Variants in HSD11B1L observed in about 807,000 individuals in gnomAD.
HSD11B1L encodes the protein hydroxysteroid 11-beta dehydrogenase 1 like.
Under a neutral mutation model 27.0 loss-of-function variants are expected in HSD11B1L, and 22 were observed. The ratio of observed to expected loss-of-function variants is 0.81; its 90% CI spans 0.58 to 1.16. The LOEUF (loss-of-function observed/expected upper bound fraction) is 1.16, where lower values mean the gene tolerates loss of function less well. HSD11B1L is among the 50% of genes most tolerant of loss of function. HSD11B1L has a pLI of 0.00. For synonymous variants in HSD11B1L, 187 were observed against 189.2 expected (o/e 0.99, Z 0.09); for missense variants, 372 against 401.8 (o/e 0.93, Z 0.63).
At position 5,687,755 on chromosome 19, in the gene HSD11B1L, G is replaced by C. The variant is rs979010674; in HGVS notation, c.671G>C (p.Gly224Ala). The C allele has an allele frequency of 2.0e-5, 29 of 1,484,100 alleles. No individual in the cohort carries two copies. The highest frequency in any genetic ancestry group is 2.5e-5 in the Non-Finnish European group (28 of 1,123,396). The allele number at this position is 1,484,100 out of a possible 1,614,324, so 91.9% of individuals were successfully genotyped here. A position where few individuals can be genotyped will look rare whatever the true frequency, so the allele number is the denominator to read the frequency against. The part of the protein sequence containing the change: ...DRASAAEAVR[G>A]VTRVKAAPGP... The stretch of plus-strand genomic sequence containing the variant: ...CCACCGTGCCCTCCTGTCCCCAGGG[G>C]AGTCACGAGGGTCAAGGCGGCCCCG... Residue 224 changes from glycine to alanine, a missense_variant and splice_region_variant, in exon 8 of 8, where the codon GGA (glycine) becomes GCA (alanine). Physicochemically the swap from Gly to Ala is moderately conservative, Grantham distance 60. Coordinates refer to ENST00000339423, the MANE Select transcript of HSD11B1L (RefSeq NM_198706.3). The surrounding 1 kb of genome is among the most constrained non-coding windows in gnomAD (Gnocchi z 6.6).
rs751921472 is a variant in HSD11B1L, at chr19:5,684,804, CCT to C, written c.-14-14_-14-13del. On this transcript the variant is annotated splice_polypyrimidine_tract_variant and intron_variant, in intron 1 of 7. Transcript: ENST00000339423. The stretch of plus-strand genomic sequence containing the variant: ...AGGCCTGTGCCGGCCACCTCTGTCC[CCT>C]GTCCCTCTGCAGGCCCACACAGGAC... The C allele has an allele frequency of 6.2e-6, 10 of 1,613,388 alleles. No homozygotes were observed. In the East Asian group the frequency reaches 1.8e-4, roughly 29 times the overall value.
rs1375613760 is a variant in HSD11B1L, at chr19:5,687,709, G to A, written c.668+41G>A. On this transcript the variant is annotated intron_variant, in intron 7 of 7. Transcript: ENST00000339423. This position sits in a 1 kb window ranked among gnomAD's most constrained non-coding sequence, Gnocchi z 6.6. ...GCTGGGGGCTGGGCTGGGGGCCATG[G>A]CCCAGCCCCAGCCGCAGTCCCCACC... is the stretch of plus-strand genomic sequence containing the variant. 6.6e-7 allele frequency: 1 copy of A among 1,517,842 alleles called. No individual in the cohort carries two copies. Among genetic ancestry groups the A allele is most frequent in the Admixed American group, 2.2e-5 (1 of 45,662 alleles). The allele number at this position is 1,517,842 out of a possible 1,614,324, so 94.0% of individuals were successfully genotyped here. A position where few individuals can be genotyped will look rare whatever the true frequency, so the allele number is the denominator to read the frequency against.
intron 1 of HSD11B1L, among the ~76,000 whole-genome samples, chr19:5,682,861 A>G (rs2145540207): frequency 8.1e-6 from 1 of 123,606 alleles, no homozygotes; most frequent in East Asian, 2.4e-4. Context: ...TCTGTTGCCC[A>G]GGCTGGAATG....
At chr19:5,684,745 C>A (rs758193395) in intron 1 of HSD11B1L, 74 bp from the exon 2 acceptor site, 1 of 1,604,404 alleles carries the variant, frequency 6.2e-7, no homozygotes, top group Non-Finnish European at 8.5e-7. Context: ...GGTGGCATCA[C>A]CAAACACCCA....
rs2054758431 is a variant in HSD11B1L at position 5,688,082 on chromosome 19, A to G, written c.*137A>G. 6.5e-7 allele frequency: 1 copy of G among 1,539,512 alleles called. No individual in the cohort carries two copies. Among genetic ancestry groups the G allele is most frequent in the South Asian group, 1.2e-5 (1 of 83,770 alleles). Reference sequence around the variant, plus strand: ...GAAGTCATCAAGACAGAAAAGCAAAACCGAGAAAAACGACGGGCACCTGGA... The same window carrying G: ...GAAGTCATCAAGACAGAAAAGCAAAGCCGAGAAAAACGACGGGCACCTGGA... On this transcript the variant is annotated 3_prime_UTR_variant, in exon 8 of 8. Coordinates refer to ENST00000339423, the MANE Select transcript of HSD11B1L (RefSeq NM_198706.3).
At chr19:5,683,720 C>T (rs540238782) in intron 1 of HSD11B1L, among the ~76,000 whole-genome samples, 298 of 152,018 alleles carry the variant, frequency 2.0e-3, no homozygotes, top group Non-Finnish European at 3.6e-3. Flanking sequence ...AGTGAGACCC[C>T]ATCCCTACAA....
chr19:5,685,493 C>G lies in HSD11B1L; in HGVS notation c.204+374C>G. ...TTGGGAGGCCAAGGCGGATGGATCA[C>G]TTGAGGTCAGGAGTTCAAAACCAGC... On this transcript the variant is annotated intron_variant, in intron 3 of 7. Coordinates refer to ENST00000339423, the MANE Select transcript of HSD11B1L (RefSeq NM_198706.3). The surrounding 1 kb of genome is among the most constrained non-coding windows in gnomAD (Gnocchi z 4.3). 2.9e-6 allele frequency: 1 copy of G among 345,504 alleles called. No individual in the cohort carries two copies. The highest frequency in any genetic ancestry group is 5.7e-6 in the Non-Finnish European group (1 of 176,140). The allele number at this position is 345,504 out of a possible 1,614,324, so 21.4% of individuals were successfully genotyped here. A position where few individuals can be genotyped will look rare whatever the true frequency, so the allele number is the denominator to read the frequency against.
chr19:5,687,048 GT>G lies in HSD11B1L; in HGVS notation c.408+59del, dbSNP rs2054714957. 1.4e-6 allele frequency: 2 copies of G among 1,434,288 alleles called. No homozygotes were observed. Among genetic ancestry groups the G allele is most frequent in the East Asian group, 5.0e-5 (2 of 40,152 alleles). The allele number at this position is 1,434,288 out of a possible 1,614,324, so 88.8% of individuals were successfully genotyped here. On this transcript the variant is annotated intron_variant, in intron 5 of 7. Coordinates refer to ENST00000339423, the MANE Select transcript of HSD11B1L (RefSeq NM_198706.3). The surrounding 1 kb of genome is among the most constrained non-coding windows in gnomAD (Gnocchi z 6.6). ...CCTCTATCTCAGGGACCGGTGGTCC[GT>G]TCCCTTCGCGGTCCGGGTTCTGCCT...
chr19:5,687,355 T>C lies in HSD11B1L; in HGVS notation c.482T>C (p.Val161Ala), dbSNP rs774930617. The change falls in exon 6 of 8, where the codon GTG (valine) becomes GCG (alanine). Residue 161 changes from valine to alanine, a missense_variant. Val to Ala is a moderately conservative substitution (Grantham distance 64). Coordinates refer to ENST00000339423, the MANE Select transcript of HSD11B1L (RefSeq NM_198706.3). The surrounding 1 kb of genome is among the most constrained non-coding windows in gnomAD (Gnocchi z 6.6). ...CTGACGGACAGCAAGGGCTCCCTGG[T>C]GGTGGTGTCCTCGCTGCTCGGTGCG... ...PSLTDSKGSL[V>A]VVSSLLGRVP... 6.2e-7 allele frequency: 1 copy of C among 1,612,570 alleles called. No individual in the cohort carries two copies. The highest frequency in any genetic ancestry group is 8.5e-7 in the Non-Finnish European group (1 of 1,179,726).
intron 1 of HSD11B1L, among the ~76,000 whole-genome samples, chr19:5,681,855 C>G (rs1258547146): frequency 1.3e-5 from 2 of 152,228 alleles, no homozygotes; most frequent in Non-Finnish European, 2.9e-5. Flanking sequence ...ATCTGTCCAT[C>G]TATCCATTCA....
chr19:5,686,037 G>A (rs1475954650), intron 3 of HSD11B1L, among the ~76,000 whole-genome samples: 2 of 152,188 alleles, frequency 1.3e-5, no homozygotes, highest in East Asian at 3.8e-4. Context: ...TGATAGCCAG[G>A]GTTCTTAAAC....
rs2054712308 is a variant in HSD11B1L, at chr19:5,687,000, C to T, written c.408+9C>T. The stretch of plus-strand genomic sequence containing the variant: ...CTCGCTGGCTCATGCAGGTGCTCCG[C>T]TCCTCCGCGGCCCCGGCCCGCCCCT... On this transcript the variant is annotated intron_variant, in intron 5 of 7. Coordinates refer to ENST00000339423, the MANE Select transcript of HSD11B1L (RefSeq NM_198706.3). The T allele has an allele frequency of 6.5e-7, 1 of 1,540,608 alleles. No homozygotes were observed. The highest frequency in any genetic ancestry group is 8.7e-7 in the Non-Finnish European group (1 of 1,143,998).
chr19:5,684,024 T>A (rs1248822303), intron 1 of HSD11B1L: 1 of 468,972 alleles, frequency 2.1e-6, no homozygotes, highest in Non-Finnish European at 3.8e-6. Context: ...TTGCCTAGGC[T>A]GGAGTGCAAT....
intron 1 of HSD11B1L, among the ~76,000 whole-genome samples, chr19:5,682,810 CTTTTTTTTTT>C (rs5826895): frequency 1.0e-5 from 1 of 95,380 alleles, no homozygotes; most frequent in Non-Finnish European, 2.1e-5. Flanking sequence ...GTCCCATTGA[CTTTTTTTTTT>C]TTTTTTTTTT....
chr19:5,684,771 T>C, intron 1 of HSD11B1L, 48 bp from the exon 2 acceptor site: 1 of 1,610,916 alleles, frequency 6.2e-7, no homozygotes, highest in African/African-American at 1.3e-5. Context: ...CACGGGTGGC[T>C]GTGGGCCAGG....
intron 1 of HSD11B1L, among the ~76,000 whole-genome samples, chr19:5,682,721 G>C (rs1016271890): frequency 3.3e-5 from 5 of 151,862 alleles, no homozygotes; most frequent in Non-Finnish European, 7.4e-5. Context: ...ACCTACAGAT[G>C]GGAGATTTAG....
In HSD11B1L at chr19:5,687,989, C is replaced by T. The variant is rs1156555700; in HGVS notation, c.*44C>T. 7 of 1,551,844 alleles carry T rather than the reference C, an allele frequency of 4.5e-6. No individual in the cohort carries two copies. Among genetic ancestry groups the T allele is most frequent in the Non-Finnish European group, 6.1e-6 (7 of 1,147,242 alleles). On this transcript the variant is annotated 3_prime_UTR_variant, in exon 8 of 8. Transcript: ENST00000339423. The surrounding 1 kb of genome is among the most constrained non-coding windows in gnomAD (Gnocchi z 6.6). ...CCAGTCCCAGACGGCAATGTTCCTCCCTCCAACTGTCCCTGGAGCCAGAAC... is the reference window on the plus strand; with the variant it reads ...CCAGTCCCAGACGGCAATGTTCCTCTCTCCAACTGTCCCTGGAGCCAGAAC...
chr19:5,686,314 G>C (rs1188211162), intron 3 of HSD11B1L, 102 bp from the exon 4 acceptor site: 7 of 776,394 alleles, frequency 9.0e-6, no homozygotes, highest in Non-Finnish European at 1.2e-5. Context: ...TCAGAGTAGG[G>C]GGGGGTTTTC....
intron 1 of HSD11B1L, chr19:5,684,176 C>A: frequency 2.6e-6 from 1 of 386,874 alleles, no homozygotes; most frequent in Non-Finnish European, 4.6e-6. Flanking sequence ...CCACCGCGCC[C>A]GGCTAATTTT....
Sources: gnomAD v4.1 joint callset for allele counts (sites outside exome capture counted in the v4.1 genomes callset) on GRCh38, gnomAD v4.1.1 for gene constraint, Gnocchi (gnomAD v3.1) non-coding constraint, MANE v1.5 for transcripts, NCBI Gene and HGNC (gene_info 2026-07-23, HGNC 2026-07-21) for gene names.